Variants in PIEZO2 observed in about 807,000 individuals in gnomAD.
PIEZO2 encodes the protein piezo-type mechanosensitive ion channel component 2.
A neutral mutation model predicts 337.3 loss-of-function variants in PIEZO2; 172 were observed. That is an observed-to-expected ratio of 0.51 (90% CI 0.45 to 0.58). The LOEUF is 0.58. Ranked by LOEUF, PIEZO2 falls within the 20% of genes least tolerant of loss-of-function variation. The pLI is 0.00. For missense variants in PIEZO2, 3,028 were observed against 3,391.3 expected (o/e 0.89, Z 2.66); for synonymous variants, 1,251 against 1,228.5 (o/e 1.02, Z -0.38).
chr18:10,939,854 C>T (rs1318875723), intron 3 of PIEZO2, among the ~76,000 whole-genome samples: 1 of 152,128 alleles, frequency 6.6e-6, no homozygotes, highest in East Asian at 1.9e-4. Context: ...TTGATAGGCG[C>T]AGCAAACCAC....
chr18:10,790,956 G>A (rs1478323127), intron 14 of PIEZO2, among the ~76,000 whole-genome samples: 3 of 152,106 alleles, frequency 2.0e-5, no homozygotes, highest in African/African-American at 7.2e-5. Context: ...CGCCCACCTC[G>A]GCCTCCCAAA....
chr18:11,087,464 CT>C (rs544117819), intron 1 of PIEZO2, among the ~76,000 whole-genome samples: 147 of 152,258 alleles, frequency 9.7e-4, no homozygotes, highest in South Asian at 2.3e-3. Flanking sequence ...ATATATTTAT[CT>C]GAGTATAGAT....
intron 4 of PIEZO2, among the ~76,000 whole-genome samples, chr18:10,873,609 C>T (rs1012431744): frequency 2.2e-5 from 3 of 135,796 alleles, no homozygotes; most frequent in African/African-American, 8.7e-5. Context: ...TATCATCATA[C>T]TAATGGACAG....
At chr18:10,955,581 G>A (rs2033481474) in intron 3 of PIEZO2, among the ~76,000 whole-genome samples, 1 of 152,184 alleles carries the variant, frequency 6.6e-6, no homozygotes, top group Non-Finnish European at 1.5e-5. Context: ...TCCATGTTAT[G>A]AGGAAGATAT....
chr18:10,965,645 T>C (rs148548250), intron 3 of PIEZO2, among the ~76,000 whole-genome samples: 7 of 152,370 alleles, frequency 4.6e-5, no homozygotes, highest in African/African-American at 1.7e-4. Flanking sequence ...ATAAATCCAC[T>C]GTTATAAATT....
chr18:11,068,272 G>A (rs1176814629), intron 1 of PIEZO2, among the ~76,000 whole-genome samples: 2 of 152,138 alleles, frequency 1.3e-5, no homozygotes, highest in Non-Finnish European at 1.5e-5. Flanking sequence ...TAGAGCATAA[G>A]TTAGGTCACA....
Position 10,828,144 on chromosome 18 carries a change from T to C in PIEZO2, c.918-20870A>G, listed in dbSNP as rs984024119. Among the ~76,000 whole-genome samples the C allele has an allele frequency of 3.8e-5, 4 of 105,426 alleles. No individual in the cohort carries two copies. In the East Asian group the frequency reaches 8.9e-4, roughly 24 times the overall value. 69.2% of individuals were successfully genotyped at this position (105,426 alleles called of 152,430 possible). A position where few individuals can be genotyped will look rare whatever the true frequency, so the allele number is the denominator to read the frequency against. On this transcript the variant is annotated intron_variant, in intron 7 of 55. Coordinates refer to ENST00000674853, the MANE Select transcript of PIEZO2 (RefSeq NM_001378183.1). This position sits in a 1 kb window ranked among gnomAD's most constrained non-coding sequence, Gnocchi z 4.1. ...TTTTTTTGTTTGTTTGTTTTTGTTT[T>C]TTTTTTTTTTTACAGTAAAACCAAT...
intron 2 of PIEZO2, among the ~76,000 whole-genome samples, chr18:11,006,063 T>C (rs894413802): frequency 1.4e-4 from 21 of 152,234 alleles, no homozygotes; most frequent in South Asian, 2.1e-4. Flanking sequence ...TGCCTGTCTC[T>C]TTCCCTTGGC....
intron 52 of PIEZO2, among the ~76,000 whole-genome samples, chr18:10,678,926 G>GCAA (rs1432226231): frequency 6.7e-6 from 1 of 149,712 alleles, no homozygotes. Flanking sequence ...TCCAGAGGCT[G>GCAA]CAATTTCTTT....
chr18:10,814,593 G>A (rs903520395), intron 7 of PIEZO2, among the ~76,000 whole-genome samples: 1 of 152,172 alleles, frequency 6.6e-6, no homozygotes, highest in Non-Finnish European at 1.5e-5. Context: ...TCAACAGAGA[G>A]GAGGATTGTT....
chr18:10,704,356 G>A (rs755881180), intron 42 of PIEZO2, 38 bp downstream of exon 42: 27 of 1,531,362 alleles, frequency 1.8e-5, no homozygotes, highest in South Asian at 7.2e-5. Flanking sequence ...TTGCATAGCC[G>A]CCTGAAGCCA....
chr18:10,963,639 C>CT (rs2033881195), intron 3 of PIEZO2, among the ~76,000 whole-genome samples: 2 of 152,134 alleles, frequency 1.3e-5, no homozygotes, highest in Non-Finnish European at 2.9e-5. Context: ...ACAAAGAGCA[C>CT]CTATAAATTA....
At chr18:10,889,121 G>A (rs887363327) in intron 4 of PIEZO2, among the ~76,000 whole-genome samples, 1 of 152,174 alleles carries the variant, frequency 6.6e-6, no homozygotes, top group Non-Finnish European at 1.5e-5. Flanking sequence ...GAAGAGAGAG[G>A]AGGACAGACA....
chr18:10,759,644 G>A lies in PIEZO2; in HGVS notation c.3655+61C>T. 2 of 1,535,452 alleles carry A rather than the reference G, an allele frequency of 1.3e-6. No homozygotes were observed. The highest frequency in any genetic ancestry group is 1.7e-6 in the Non-Finnish European group (2 of 1,145,262). The stretch of plus-strand genomic sequence containing the variant: ...ACTCTTCTTCACCACTCTTCTCCCA[G>A]CCGTCCGCTCAGTAATGGCTTCTTC... On this transcript the variant is annotated intron_variant, in intron 25 of 55. Coordinates refer to ENST00000674853, the MANE Select transcript of PIEZO2 (RefSeq NM_001378183.1). The surrounding 1 kb of genome is among the most constrained non-coding windows in gnomAD (Gnocchi z 5.5).
rs1254595245 is a variant in PIEZO2 at position 10,696,966 on chromosome 18, G to A, written c.6828-427C>T. ...CTGATGCCTAGGGCCAAGGTGGGAA[G>A]TAAATGAGGGAATGCATGAGGGCGC... On this transcript the variant is annotated intron_variant, in intron 45 of 55. Coordinates refer to ENST00000674853, the MANE Select transcript of PIEZO2 (RefSeq NM_001378183.1). 2.0e-5 allele frequency among the ~76,000 whole-genome samples: 3 copies of A among 152,312 alleles called. No individual in the cohort carries two copies. The East Asian group carries it at 5.8e-4, about 29-fold the overall frequency.
intron 13 of PIEZO2, among the ~76,000 whole-genome samples, chr18:10,792,185 G>A (rs554362984): frequency 6.6e-6 from 1 of 152,220 alleles, no homozygotes; most frequent in East Asian, 1.9e-4. Context: ...CTGACATCAG[G>A]TGATCCGCCT....
At chr18:10,734,608 G>A (rs1024486580) in intron 35 of PIEZO2, among the ~76,000 whole-genome samples, 7 of 152,304 alleles carry the variant, frequency 4.6e-5, no homozygotes, top group Middle Eastern at 3.4e-3. Context: ...GTAACGAAGC[G>A]ACTACAGCAT....
At chr18:10,792,815 T>C (rs1455583720) in intron 13 of PIEZO2, among the ~76,000 whole-genome samples, 2 of 152,246 alleles carry the variant, frequency 1.3e-5, no homozygotes, top group African/African-American at 2.4e-5. Flanking sequence ...GCTGGTCTTA[T>C]GGAAATTTTA....
At position 10,794,715 on chromosome 18, in the gene PIEZO2, T is replaced by C. The variant is rs2144206151; in HGVS notation, c.1758+57A>G. 4.8e-6 allele frequency: 6 copies of C among 1,255,740 alleles called. No homozygotes were observed. Among genetic ancestry groups the C allele is most frequent in the Non-Finnish European group, 6.5e-6 (6 of 921,786 alleles). 77.8% of individuals were successfully genotyped at this position (1,255,740 alleles called of 1,614,324 possible). A position where few individuals can be genotyped will look rare whatever the true frequency, so the allele number is the denominator to read the frequency against. On this transcript the variant is annotated intron_variant, in intron 13 of 55. Coordinates refer to ENST00000674853, the MANE Select transcript of PIEZO2 (RefSeq NM_001378183.1). The surrounding 1 kb of genome is among the most constrained non-coding windows in gnomAD (Gnocchi z 6.6). ...ATAAGGTTTCTCTTGGATACGATTA[T>C]GATGATGATTGTGGTTTTGTGTCAT...
Sources: gnomAD v4.1 joint callset for allele counts (sites outside exome capture counted in the v4.1 genomes callset) on GRCh38, gnomAD v4.1.1 for gene constraint, Gnocchi (gnomAD v3.1) non-coding constraint, MANE v1.5 for transcripts, NCBI Gene and HGNC (gene_info 2026-07-23, HGNC 2026-07-21) for gene names.